DPYS: variants seen among roughly 807,000 people sequenced by gnomAD.
DPYS encodes dihydropyrimidine amidohydrolase.
A neutral mutation model predicts 50.3 loss-of-function variants in DPYS; 39 were observed. That is an observed-to-expected ratio of 0.78 (90% CI 0.60 to 1.01). The LOEUF is 1.01. DPYS is among the 50% of genes least tolerant of loss of function. The pLI is 0.00. For synonymous variants in DPYS, 245 were observed against 250.7 expected, an observed-to-expected ratio of 0.98 and a Z score of 0.22; for missense variants, 659 against 680.9, an observed-to-expected ratio of 0.97 and a Z score of 0.36.
At position 104,461,630 on chromosome 8, in the gene DPYS, A is replaced by G. The variant is rs147768890; in HGVS notation, c.264+5027T>C. The stretch of plus-strand genomic sequence containing the variant: ...GAGAGCTGAACCATCAAAGTTTGGG[A>G]AACAGGAAGAAAAATGAGTTTGAAA... On this transcript the variant is annotated intron_variant, in intron 1 of 9. Transcript: ENST00000351513. 4.2e-3 allele frequency among the ~76,000 whole-genome samples: 645 copies of G among 152,316 alleles called. 5 individuals are homozygous for G. Among genetic ancestry groups the G allele is most frequent in the African/African-American group, 0.014 (600 of 41,574 alleles).
intron 6 of DPYS, 58 bp downstream of exon 6, chr8:104,427,922 T>C: frequency 3.1e-6 from 5 of 1,612,542 alleles, no homozygotes; most frequent in Non-Finnish European, 4.2e-6. Flanking sequence ...GGTCCTCAAA[T>C]GGGCAGGATC....
intron 1 of DPYS, among the ~76,000 whole-genome samples, chr8:104,460,622 G>A (rs1814094620): frequency 6.6e-6 from 1 of 152,162 alleles, no homozygotes; most frequent in South Asian, 2.1e-4. Context: ...AAGGGGTGGA[G>A]GTGAAAAGCA....
chr8:104,447,263 T>C, intron 3 of DPYS, 61 bp downstream of exon 3: 1 of 1,597,728 alleles, frequency 6.3e-7, no homozygotes, highest in South Asian at 1.1e-5. Flanking sequence ...GGCCCAATCA[T>C]CTTCACCTTA....
intron 8 of DPYS, among the ~76,000 whole-genome samples, chr8:104,385,582 A>G (rs1181682743): frequency 6.6e-6 from 1 of 152,186 alleles, no homozygotes; most frequent in African/African-American, 2.4e-5. Flanking sequence ...GTAAAACCAC[A>G]TGAGAGGCTG....
intron 7 of DPYS, among the ~76,000 whole-genome samples, chr8:104,422,496 G>A (rs915226984): frequency 1.3e-5 from 2 of 152,112 alleles, no homozygotes; most frequent in Non-Finnish European, 2.9e-5. Flanking sequence ...TACAGCTACC[G>A]TTTTCTCATT....
At chr8:104,445,864 G>C (rs1319738965) in intron 3 of DPYS, among the ~76,000 whole-genome samples, 2 of 151,884 alleles carry the variant, frequency 1.3e-5, no homozygotes, top group Non-Finnish European at 2.9e-5. Context: ...GCTAACACGG[G>C]GAAACCCTGT....
intron 4 of DPYS, among the ~76,000 whole-genome samples, chr8:104,433,909 C>A (rs557924737): frequency 6.6e-6 from 1 of 152,186 alleles, no homozygotes; most frequent in South Asian, 2.1e-4. Flanking sequence ...AATTCCAAAG[C>A]CTCTGTTGAC....
intron 1 of DPYS, among the ~76,000 whole-genome samples, chr8:104,459,764 A>T (rs1814060081): frequency 6.6e-6 from 1 of 152,190 alleles, no homozygotes; most frequent in Non-Finnish European, 1.5e-5. Flanking sequence ...AGATTGACTT[A>T]TCACTAGAGA....
At chr8:104,421,223 G>A (rs1219304865) in intron 7 of DPYS, 1 of 152,022 alleles carries the variant, frequency 6.6e-6, no homozygotes, top group African/African-American at 2.4e-5. Flanking sequence ...TCTCCCAAAA[G>A]ACACACATAC....
chr8:104,402,419 G>T (rs573516133), intron 7 of DPYS, among the ~76,000 whole-genome samples: 2 of 152,144 alleles, frequency 1.3e-5, no homozygotes, highest in African/African-American at 4.8e-5. Context: ...TATGTCTTAT[G>T]AATATTAAAC....
intron 1 of DPYS, among the ~76,000 whole-genome samples, chr8:104,463,666 G>A (rs758484081): frequency 2.6e-5 from 4 of 152,152 alleles, no homozygotes; most frequent in Non-Finnish European, 5.9e-5. Context: ...ACAACTTAGG[G>A]CATTGGCTGG....
At chr8:104,385,985 A>T (rs1811202768) in intron 8 of DPYS, among the ~76,000 whole-genome samples, 1 of 152,238 alleles carries the variant, frequency 6.6e-6, no homozygotes, top group African/African-American at 2.4e-5. Context: ...TAAGTAATAC[A>T]AAAGACATAG....
chr8:104,382,286 ACTC>A (rs142099567), intron 8 of DPYS, among the ~76,000 whole-genome samples: 6,788 of 151,654 alleles, frequency 0.045, 176 homozygotes, highest in Middle Eastern at 0.13. Context: ...AAATGGGGGG[ACTC>A]CTGCCCTTCC....
intron 2 of DPYS, among the ~76,000 whole-genome samples, chr8:104,450,273 G>T (rs1329093455): frequency 6.6e-6 from 1 of 152,164 alleles, no homozygotes; most frequent in African/African-American, 2.4e-5. Flanking sequence ...GGCATTTTTG[G>T]AGAAAAACTA....
At chr8:104,431,378 T>A (rs1321592571) in intron 4 of DPYS, among the ~76,000 whole-genome samples, 2 of 151,628 alleles carry the variant, frequency 1.3e-5, no homozygotes, top group Non-Finnish European at 2.9e-5. Flanking sequence ...CAGGCCACTT[T>A]AGTGGTATAT....
At chr8:104,402,233 A>G (rs922682563) in intron 7 of DPYS, among the ~76,000 whole-genome samples, 1 of 152,172 alleles carries the variant, frequency 6.6e-6, no homozygotes, top group African/African-American at 2.4e-5. Flanking sequence ...GGTATTTTAT[A>G]TATGTATTTG....
chr8:104,429,505 T>C, intron 5 of DPYS, 40 bp downstream of exon 5: 1 of 1,613,536 alleles, frequency 6.2e-7, no homozygotes, highest in Non-Finnish European at 8.5e-7. Context: ...CCAAACCTTC[T>C]TTTGGCAATA....
chr8:104,407,736 A>T (rs922784803), intron 7 of DPYS, among the ~76,000 whole-genome samples: 1 of 151,444 alleles, frequency 6.6e-6, no homozygotes. Context: ...GTCTTTTATC[A>T]TTGTTGAAAA....
intron 6 of DPYS, among the ~76,000 whole-genome samples, chr8:104,424,885 G>C (rs926733637): frequency 1.3e-5 from 2 of 149,434 alleles, no homozygotes; most frequent in Non-Finnish European, 3.0e-5. Context: ...GGAGTGCAGT[G>C]GTGCGATCTT....
Sources: gnomAD v4.1 joint callset for allele counts (sites outside exome capture counted in the v4.1 genomes callset) on GRCh38, gnomAD v4.1.1 for gene constraint, MANE v1.5 for transcripts, NCBI Gene and HGNC (gene_info 2026-07-23, HGNC 2026-07-21) for gene names.